The following MARF1 variants were observed in gnomAD, a reference collection of about 807,000 sequenced individuals.
MARF1 encodes the protein limkain-b1.
Under a neutral mutation model 168.2 loss-of-function variants are expected in MARF1, and 24 were observed. The observed-to-expected ratio is 0.14, with a 90% CI of 0.10 to 0.20. The LOEUF (loss-of-function observed/expected upper bound fraction) is 0.20, where lower values mean the gene tolerates loss of function less well. Ranked by LOEUF, MARF1 falls within the 10% of genes least tolerant of loss-of-function variation. MARF1 has a pLI of 1.00. For missense variants in MARF1, 1,744 were observed against 2,143.6 expected (o/e 0.81, Z 3.68); for synonymous variants, 868 against 822.4 (o/e 1.06, Z -0.95).
In MARF1 at chr16:15,623,274, CTTTTT is replaced by C. The variant is rs71375044; in HGVS notation, c.2271-156_2271-152del. 6.7e-4 allele frequency: 80 copies of C among 119,114 alleles called. 1 individual carries two copies. Among genetic ancestry groups the C allele is most frequent in the Middle Eastern group, 5.2e-3 (1 of 192 alleles). The allele number at this position is 119,114 out of a possible 1,614,324, so 7.4% of individuals were successfully genotyped here. ...TTTGGTTTTCAAATGTGTTTTTAAT[CTTTTT>C]TTTTTTTTTTTTTTTTTTGAGACAG... On this transcript the variant is annotated intron_variant, in intron 10 of 26. Transcript: ENST00000396368.
At chr16:15,632,879 C>T (rs1391202742) in intron 5 of MARF1, among the ~76,000 whole-genome samples, 9 of 152,074 alleles carry the variant, frequency 5.9e-5, no homozygotes, top group Admixed American at 5.9e-4. Context: ...GCCAAGTGAT[C>T]TTAAACAAGT....
intron 3 of MARF1, 103 bp downstream of exon 3, chr16:15,635,553 G>A (rs940225555): frequency 1.1e-5 from 12 of 1,057,294 alleles, no homozygotes; most frequent in Non-Finnish European, 1.5e-5. Context: ...TACCATGGGA[G>A]AATCTTCAAC....
intron 1 of MARF1, among the ~76,000 whole-genome samples, chr16:15,641,927 T>C (rs2036001775): frequency 6.6e-6 from 1 of 152,216 alleles, no homozygotes; most frequent in Admixed American, 6.5e-5. Context: ...GACAGTCTCC[T>C]TTCTGTCACT....
Position 15,595,929 on chromosome 16 carries a change from C to T in MARF1, c.*764G>A, listed in dbSNP as rs879040227. On this transcript the variant is annotated 3_prime_UTR_variant, in exon 27 of 27. Coordinates refer to ENST00000396368, the MANE Select transcript of MARF1 (RefSeq NM_014647.4). Reference sequence around the variant, plus strand: ...AATGCTGACTTTAAATCCATGACATCGAGACCATCTCCTTTTCCTTAACCT... The same window carrying T: ...AATGCTGACTTTAAATCCATGACATTGAGACCATCTCCTTTTCCTTAACCT... 5 of 152,348 alleles carry T rather than the reference C, an allele frequency of 3.3e-5. No homozygotes were observed. In the South Asian group the frequency reaches 6.2e-4, roughly 19 times the overall value. 9.4% of individuals were successfully genotyped at this position (152,348 alleles called of 1,614,324 possible). A position where few individuals can be genotyped will look rare whatever the true frequency, so the allele number is the denominator to read the frequency against.
At position 15,600,477 on chromosome 16, in the gene MARF1, C is replaced by T. The variant is rs758548457; in HGVS notation, c.4764G>A (p.Val1588=). ...GTTCCGAGGCTGTGTGCGATTCGGG[C>T]ACCTCCAGGATGCGCTCGCCCTCCG... The part of the protein sequence containing the change: ...QPSEGERILE[V]PESHTASELK... The change falls in exon 25 of 27, where the codon GTG becomes GTA. Residue 1588 remains valine, a synonymous_variant. Transcript: ENST00000396368. 5.0e-6 allele frequency: 8 copies of T among 1,614,158 alleles called. No homozygotes were observed. Among genetic ancestry groups the T allele is most frequent in the South Asian group, 4.4e-5 (4 of 91,084 alleles).
rs2034732312 is a variant in MARF1, at chr16:15,624,924, C to T, written c.2115G>A (p.Lys705=). ...AEPVYKTSQK[K]ENLSARSVTS... is the part of the protein sequence containing the mutation. ...TAACACTTCGGGCACTGAGGTTCTC[C>T]TTTCTAACAGAAGGGGAAAATTGAA... The change falls in exon 10 of 27, where the codon AAG becomes AAA. Residue 705 remains lysine (K), a synonymous_variant. Coordinates refer to ENST00000396368, the MANE Select transcript of MARF1 (RefSeq NM_014647.4). 6.2e-7 allele frequency: 1 copy of T among 1,613,962 alleles called. No homozygotes were observed. Among genetic ancestry groups the T allele is most frequent in the Non-Finnish European group, 8.5e-7 (1 of 1,179,962 alleles).
rs2151182912 is a variant in MARF1, at chr16:15,620,986, A to G, written c.2640-455T>C. On this transcript the variant is annotated intron_variant, in intron 12 of 26. Coordinates refer to ENST00000396368, the MANE Select transcript of MARF1 (RefSeq NM_014647.4). ...AACTAAAAGAAGATGCCAAACTGTT[A>G]AGTGCAATTGGCTTTGGGCCATAGG... 2.6e-5 allele frequency among the ~76,000 whole-genome samples: 4 copies of G among 152,358 alleles called. No homozygotes were observed. In the Middle Eastern group the frequency reaches 0.014, roughly 518 times the overall value.
chr16:15,643,078 C>T lies in MARF1; in HGVS notation c.-119G>A, dbSNP rs891567259. 1.0e-5 allele frequency: 3 copies of T among 298,576 alleles called. No individual in the cohort carries two copies. Among genetic ancestry groups the T allele is most frequent in the Non-Finnish European group, 1.9e-5 (3 of 155,902 alleles). 18.5% of individuals were successfully genotyped at this position (298,576 alleles called of 1,614,324 possible). On this transcript the variant is annotated 5_prime_UTR_variant, in exon 1 of 27. Coordinates refer to ENST00000396368, the MANE Select transcript of MARF1 (RefSeq NM_014647.4). ...CCCCGCCGCCTTCCCCCCGCCCCCC[C>T]CAGGCCCTTTGTTTTGATTCCCGAC...
At chr16:15,608,259 G>A (rs1304555796) in intron 21 of MARF1, 32 bp downstream of exon 21, 5 of 1,212,462 alleles carry the variant, frequency 4.1e-6, no homozygotes, top group African/African-American at 3.4e-5. Flanking sequence ...ATCCCATGAG[G>A]GAAAAAAAAA....
At chr16:15,601,301 T>A in intron 23 of MARF1, 1 of 355,300 alleles carries the variant, frequency 2.8e-6, no homozygotes, top group Non-Finnish European at 5.5e-6. Flanking sequence ...AATCCCTCCA[T>A]CTAACACTGA....
At position 15,633,840 on chromosome 16, in the gene MARF1, G is replaced by A; in HGVS notation, c.1010C>T (p.Ser337Leu). The change falls in exon 5 of 27, where the codon TCA (serine) becomes TTA (leucine). Residue 337 changes from serine to leucine, a missense_variant. Physicochemically the swap from Ser to Leu is moderately radical, Grantham distance 145. This residue lies in a region of MARF1 where 217 missense variants were observed against 372.4 expected (regional missense o/e 0.58). Coordinates refer to ENST00000396368, the MANE Select transcript of MARF1 (RefSeq NM_014647.4). The part of the protein sequence containing the change: ...SLGKAASKFG[S>L]PEVAVAGQVL... ...CTGTCCAGCTACTGCAACTTCTGGT[G>A]ACCCTTAAGAAATGTTAACATTTTC... 1 of 1,605,332 alleles carries A rather than the reference G, an allele frequency of 6.2e-7. No homozygotes were observed. Among genetic ancestry groups the A allele is most frequent in the Non-Finnish European group, 8.5e-7 (1 of 1,175,644 alleles).
chr16:15,597,700 G>C (rs1328923515), intron 26 of MARF1, among the ~76,000 whole-genome samples: 1 of 152,224 alleles, frequency 6.6e-6, no homozygotes, highest in East Asian at 1.9e-4. Flanking sequence ...CAAGAGAAGA[G>C]CGGCTGACAG....
chr16:15,615,264 A>G (rs1351182921), intron 16 of MARF1, among the ~76,000 whole-genome samples: 1 of 151,840 alleles, frequency 6.6e-6, no homozygotes, highest in South Asian at 2.1e-4. Context: ...GGGAGGCCAT[A>G]GTGGGACGAC....
intron 20 of MARF1, 67 bp downstream of exon 20, chr16:15,609,456 C>T (rs1276762683): frequency 3.1e-5 from 42 of 1,337,168 alleles, no homozygotes; most frequent in Middle Eastern, 1.9e-4. Flanking sequence ...AGGTCTGGAA[C>T]GTGAAAAAGT....
rs2035592241 is a variant in MARF1 at position 15,636,262 on chromosome 16, A to G, written c.225T>C (p.Phe75=). ...PSPLHAGSKL[F]PAVPLPDIRS... is the part of the protein sequence containing the mutation. Reference sequence around the variant, plus strand: ...GAATATCAGGAAGTGGGACTGCTGGAAAAAGCTTAGAGCCAGCATGAAGGG... The same window carrying G: ...GAATATCAGGAAGTGGGACTGCTGGGAAAAGCTTAGAGCCAGCATGAAGGG... Residue 75 remains phenylalanine, a synonymous_variant, in exon 3 of 27, where the codon TTT becomes TTC. Coordinates refer to ENST00000396368, the MANE Select transcript of MARF1 (RefSeq NM_014647.4). The G allele has an allele frequency of 2.5e-6, 4 of 1,613,694 alleles. No individual in the cohort carries two copies. Among genetic ancestry groups the G allele is most frequent in the Non-Finnish European group, 3.4e-6 (4 of 1,179,794 alleles).
intron 7 of MARF1, 97 bp downstream of exon 7, chr16:15,630,235 G>T: frequency 2.7e-6 from 3 of 1,109,156 alleles, no homozygotes; most frequent in Non-Finnish European, 3.8e-6. Context: ...ACAAAGAACA[G>T]CCCCATCTGG....
rs1398797621 is a variant in MARF1 at position 15,600,551 on chromosome 16, G to A, written c.4690C>T (p.Arg1564Cys). 1.9e-6 allele frequency: 3 copies of A among 1,614,080 alleles called. No individual in the cohort carries two copies. The highest frequency in any genetic ancestry group is 2.7e-5 in the African/African-American group (2 of 74,918). The change falls in exon 25 of 27, where the codon CGT becomes TGT. Residue 1564 changes from arginine to cysteine, a missense_variant and splice_region_variant. Arg to Cys is a radical substitution (Grantham distance 180). This residue lies in a region of MARF1 where 313 missense variants were observed against 337.4 expected (regional missense o/e 0.93). Transcript: ENST00000396368. The part of the protein sequence containing the change: ...IVVLKNDMKS[R>C]LSSLSLSPAN... ...GGGGAGAGACTGAGTGAACTCAAAC[G>A]ACCTACAGGACAAAGAGCACCCGTC... is the stretch of plus-strand genomic sequence containing the variant.
intron 21 of MARF1, among the ~76,000 whole-genome samples, chr16:15,605,359 TGAG>T (rs1384970472): frequency 6.6e-6 from 1 of 152,094 alleles, no homozygotes; most frequent in Non-Finnish European, 1.5e-5. Context: ...GGGTGGCACT[TGAG>T]GAGCCATCCC....
chr16:15,606,432 G>A (rs1405750212), intron 21 of MARF1, among the ~76,000 whole-genome samples: 1 of 151,998 alleles, frequency 6.6e-6, no homozygotes, highest in Non-Finnish European at 1.5e-5. Context: ...AACTTGCAGT[G>A]AGCTCTCGAT....
Sources: gnomAD v4.1 joint callset for allele counts (sites outside exome capture counted in the v4.1 genomes callset) on GRCh38, gnomAD v4.1.1 for gene constraint, gnomAD v4.1.1 regional missense constraint, MANE v1.5 for transcripts, NCBI Gene and HGNC (gene_info 2026-07-23, HGNC 2026-07-21) for gene names.